Variants in TXLNB observed in about 807,000 individuals in gnomAD.
TXLNB encodes the protein beta-taxilin.
A neutral mutation model predicts 57.4 loss-of-function variants in TXLNB; 37 were observed. The ratio of observed to expected loss-of-function variants is 0.64; its 90% CI spans 0.50 to 0.85. The LOEUF (loss-of-function observed/expected upper bound fraction) is 0.85, where lower values mean the gene tolerates loss of function less well. Among genes scored for constraint, TXLNB ranks in the 40% least tolerant of loss-of-function variants. TXLNB has a pLI of 0.00. For synonymous variants in TXLNB, 302 were observed against 309.6 expected, an observed-to-expected ratio of 0.98 and a Z score of 0.26; for missense variants, 848 against 825.6, an observed-to-expected ratio of 1.03 and a Z score of -0.33.
chr6:139,246,399 C>G (rs1471790279), intron 8 of TXLNB, among the ~76,000 whole-genome samples: 2 of 152,166 alleles, frequency 1.3e-5, no homozygotes, highest in African/African-American at 4.8e-5. Context: ...GTTTTCTACA[C>G]CTCAAAACCA....
At position 139,283,528 on chromosome 6, in the gene TXLNB, A is replaced by T. The variant is rs141073838; in HGVS notation, c.424+4948T>A. Among the ~76,000 whole-genome samples the T allele has an allele frequency of 5.0e-3, 707 of 140,896 alleles. 71 individuals carry two copies. Among genetic ancestry groups the T allele is most frequent in the East Asian group, 0.036 (177 of 4,888 alleles). The allele number at this position is 140,896 out of a possible 152,430, so 92.4% of individuals were successfully genotyped here. On this transcript the variant is annotated intron_variant, in intron 2 of 9. Transcript: ENST00000358430. ...AGGGCGGAGGTTGTGGTGAGCCGAGATCGCACCATTGCACTCCAGCCTGGG... is the reference window on the plus strand; with the variant it reads ...AGGGCGGAGGTTGTGGTGAGCCGAGTTCGCACCATTGCACTCCAGCCTGGG...
chr6:139,182,223 A>C, the TXLNB span, among the ~76,000 whole-genome samples: 73 of 152,346 alleles, frequency 4.8e-4, no homozygotes, highest in African/African-American at 1.7e-3. Flanking sequence ...CTGCCAGTGG[A>C]TTCAAAGCCT....
intron 1 of TXLNB, among the ~76,000 whole-genome samples, chr6:139,290,915 C>T (rs1257971977): frequency 6.6e-6 from 1 of 152,214 alleles, no homozygotes; most frequent in African/African-American, 2.4e-5. Context: ...CAGACACCAA[C>T]AAGAACAGAA....
chr6:139,288,513 C>T lies in TXLNB; in HGVS notation c.387G>A (p.Lys129=). ...PPTVKEPVSN[K]EQKLEKKILK... ...GGATTTTCTTTTCCAATTTTTGCTC[C>T]TTATTGCTGACGGGCTCTTTGACAG... Residue 129 remains lysine (K), a synonymous_variant, in exon 2 of 10, where the codon AAG becomes AAA. Coordinates refer to ENST00000358430, the MANE Select transcript of TXLNB (RefSeq NM_153235.4). 6.2e-7 allele frequency: 1 copy of T among 1,614,138 alleles called. No homozygotes were observed.
chr6:139,275,821 G>A (rs542092435), intron 3 of TXLNB, among the ~76,000 whole-genome samples: 9 of 152,260 alleles, frequency 5.9e-5, no homozygotes, highest in South Asian at 2.1e-4. Context: ...ATTAGGCCCC[G>A]GGCCTCAAAG....
the TXLNB span, among the ~76,000 whole-genome samples, chr6:139,316,758 C>T: frequency 7.0e-4 from 106 of 152,238 alleles, no homozygotes; most frequent in African/African-American, 2.3e-3. Context: ...GGTACAAATT[C>T]TGGAGTCAGG....
chr6:139,162,376 C>G, the TXLNB span, among the ~76,000 whole-genome samples: 1 of 152,250 alleles, frequency 6.6e-6, no homozygotes, highest in South Asian at 2.1e-4. Flanking sequence ...TTTCATTCTT[C>G]TGAACCATTT....
chr6:139,310,387 A>C, the TXLNB span, among the ~76,000 whole-genome samples: 1 of 152,386 alleles, frequency 6.6e-6, no homozygotes, highest in South Asian at 2.1e-4. Flanking sequence ...GGTGTGCAAC[A>C]TCACTAATCA....
chr6:139,289,033 A>G, intron 1 of TXLNB, 120 bp from the exon 2 acceptor site: 1 of 649,710 alleles, frequency 1.5e-6, no homozygotes, highest in South Asian at 2.0e-5. Flanking sequence ...TCTAACGTAG[A>G]GAAAGGCAAT....
chr6:139,295,402 C>A (rs1274432327), upstream of TXLNB, among the ~76,000 whole-genome samples: 1 of 152,160 alleles, frequency 6.6e-6, no homozygotes, highest in Non-Finnish European at 1.5e-5. Context: ...AAAGAATACA[C>A]TTATTTTTTG....
At chr6:139,222,243 G>T in the TXLNB span, among the ~76,000 whole-genome samples, 1 of 151,946 alleles carries the variant, frequency 6.6e-6, no homozygotes, top group East Asian at 1.9e-4. Context: ...TGGGAAAATT[G>T]AAAATAAAAG....
At chr6:139,196,560 G>C in the TXLNB span, among the ~76,000 whole-genome samples, 1 of 150,400 alleles carries the variant, frequency 6.6e-6, no homozygotes, top group Admixed American at 6.6e-5. Context: ...ATTTTTAGTA[G>C]AGATGGGATT....
chr6:139,188,141 C>G, the TXLNB span, among the ~76,000 whole-genome samples: 2 of 152,112 alleles, frequency 1.3e-5, no homozygotes, highest in African/African-American at 4.8e-5. Context: ...GAAGAGTTCT[C>G]TAATAGCAGT....
chr6:139,252,576 G>A (rs1036725579), intron 7 of TXLNB, among the ~76,000 whole-genome samples: 2 of 152,198 alleles, frequency 1.3e-5, no homozygotes, highest in African/African-American at 4.8e-5. Flanking sequence ...GGACAAGGCG[G>A]GGTCAACTTA....
At chr6:139,194,856 G>A in the TXLNB span, among the ~76,000 whole-genome samples, 1 of 152,214 alleles carries the variant, frequency 6.6e-6, no homozygotes, top group Non-Finnish European at 1.5e-5. Flanking sequence ...TCCCTTGCTT[G>A]CTCTGTCTCA....
At chr6:139,251,988 A>T (rs1174152834) in intron 7 of TXLNB, among the ~76,000 whole-genome samples, 1 of 152,230 alleles carries the variant, frequency 6.6e-6, no homozygotes, top group Non-Finnish European at 1.5e-5. Flanking sequence ...GATATTGCTG[A>T]CTTCCCACAT....
downstream of TXLNB, among the ~76,000 whole-genome samples, chr6:139,237,186 T>A (rs1775844923): frequency 6.6e-6 from 1 of 152,320 alleles, no homozygotes; most frequent in Non-Finnish European, 1.5e-5. Flanking sequence ...AGATTTGAAC[T>A]CTTTCACATT....
chr6:139,276,779 G>A, intron 3 of TXLNB, 51 bp downstream of exon 3: 1 of 1,376,382 alleles, frequency 7.3e-7, no homozygotes, highest in Non-Finnish European at 1.0e-6. Context: ...GAAGCTAGAG[G>A]CACTGGGCTC....
the TXLNB span, chr6:139,179,689 T>C: frequency 1.3e-5 from 2 of 152,338 alleles, no homozygotes; most frequent in Non-Finnish European, 1.5e-5. Context: ...ATAAATCTTA[T>C]TTTGGAAATC....
Sources: gnomAD v4.1 joint callset for allele counts (sites outside exome capture counted in the v4.1 genomes callset) on GRCh38, gnomAD v4.1.1 for gene constraint, MANE v1.5 for transcripts, NCBI Gene and HGNC (gene_info 2026-07-23, HGNC 2026-07-21) for gene names.